ADK: variants seen among roughly 807,000 people sequenced by gnomAD.
ADK encodes the protein N6,N6-dimethyladenosine kinase.
ADK carries 24 observed loss-of-function variants against 44.7 expected under a neutral mutation model. That is an observed-to-expected ratio of 0.54 (90% CI 0.39 to 0.76). The LOEUF is 0.76. ADK is among the 30% of genes least tolerant of loss of function. ADK has a pLI of 0.00. For missense variants in ADK, 321 were observed against 425.1 expected (o/e 0.76, Z 2.15); for synonymous variants, 128 against 142.6 (o/e 0.90, Z 0.73).
At chr10:74,674,126 T>G (rs1855294651) in intron 10 of ADK, among the ~76,000 whole-genome samples, 1 of 152,118 alleles carries the variant, frequency 6.6e-6, no homozygotes, top group African/African-American at 2.4e-5. Context: ...TATTAGGCTT[T>G]TTGGCTTTAG....
At chr10:74,383,386 G>GTCTCTGTCTCTGTC (rs148751695) in intron 4 of ADK, among the ~76,000 whole-genome samples, 1 of 150,334 alleles carries the variant, frequency 6.7e-6, no homozygotes, top group Non-Finnish European at 1.5e-5. Flanking sequence ...TAGTCAGTCT[G>GTCTCTGTCTCTGTC]TCTGTCTCTG....
intron 8 of ADK, among the ~76,000 whole-genome samples, chr10:74,592,414 T>A (rs895335096): frequency 1.1e-4 from 16 of 152,148 alleles, no homozygotes; most frequent in African/African-American, 3.9e-4. Context: ...TTTAAACTAT[T>A]GAAAATTGAT....
intron 7 of ADK, among the ~76,000 whole-genome samples, chr10:74,572,686 G>T (rs1436614905): frequency 6.6e-6 from 1 of 152,128 alleles, no homozygotes; most frequent in Non-Finnish European, 1.5e-5. Context: ...ATATTTCTTG[G>T]AGGCTTTGTT....
intron 4 of ADK, among the ~76,000 whole-genome samples, chr10:74,362,039 A>G (rs1842351031): frequency 6.6e-6 from 1 of 152,074 alleles, no homozygotes; most frequent in Non-Finnish European, 1.5e-5. Flanking sequence ...TGTGTCCTAG[A>G]GTAGTCTTCT....
chr10:74,445,557 A>G (rs1421052278), intron 6 of ADK, among the ~76,000 whole-genome samples: 1 of 152,006 alleles, frequency 6.6e-6, no homozygotes, highest in African/African-American at 2.4e-5. Flanking sequence ...GTTGAAATGT[A>G]AAAGAAGCTA....
At chr10:74,384,456 G>T (rs1843076297) in intron 4 of ADK, among the ~76,000 whole-genome samples, 1 of 152,126 alleles carries the variant, frequency 6.6e-6, no homozygotes, top group South Asian at 2.1e-4. Context: ...GATCACTTGA[G>T]GTCAGGAGTT....
intron 4 of ADK, among the ~76,000 whole-genome samples, chr10:74,387,609 A>G (rs1843188567): frequency 6.6e-6 from 1 of 152,154 alleles, no homozygotes; most frequent in African/African-American, 2.4e-5. Flanking sequence ...TGATACTGCT[A>G]CCTGTCTTTG....
chr10:74,365,618 T>C (rs182725905), intron 4 of ADK, among the ~76,000 whole-genome samples: 2 of 152,354 alleles, frequency 1.3e-5, no homozygotes, highest in African/African-American at 2.4e-5. Flanking sequence ...TCATTTCGTC[T>C]GGGAACAAGG....
At chr10:74,197,907 T>G (rs1171217888) in intron 1 of ADK, among the ~76,000 whole-genome samples, 1 of 152,158 alleles carries the variant, frequency 6.6e-6, no homozygotes, top group Non-Finnish European at 1.5e-5. Flanking sequence ...ATTATATTCC[T>G]TAAAACTGAG....
chr10:74,174,571 T>G (rs1203555252), intron 1 of ADK: 1 of 152,168 alleles, frequency 6.6e-6, no homozygotes, highest in Non-Finnish European at 1.5e-5. Context: ...TGAAAAGCAC[T>G]GATGGTGTGA....
intron 7 of ADK, among the ~76,000 whole-genome samples, chr10:74,568,495 G>A (rs1179758627): frequency 6.6e-6 from 1 of 152,052 alleles, no homozygotes; most frequent in Non-Finnish European, 1.5e-5. Flanking sequence ...AAAGTTCTTG[G>A]ATCTTGCACA....
intron 9 of ADK, among the ~76,000 whole-genome samples, chr10:74,629,678 A>G (rs942258800): frequency 2.0e-5 from 3 of 152,212 alleles, no homozygotes; most frequent in African/African-American, 4.8e-5. Context: ...ATCAATTTAC[A>G]GTATGAATTT....
chr10:74,256,947 A>T (rs1845846957), intron 3 of ADK, among the ~76,000 whole-genome samples: 1 of 152,236 alleles, frequency 6.6e-6, no homozygotes, highest in Non-Finnish European at 1.5e-5. Flanking sequence ...CTTAGGTAAC[A>T]TAGTAACATA....
chr10:74,569,484 T>C (rs1434311684), intron 7 of ADK, among the ~76,000 whole-genome samples: 3 of 152,222 alleles, frequency 2.0e-5, no homozygotes, highest in African/African-American at 4.8e-5. Flanking sequence ...TGGTGTGAGA[T>C]GGTATCTCAT....
At chr10:74,564,595 T>G (rs1419037718) in intron 7 of ADK, among the ~76,000 whole-genome samples, 1 of 152,240 alleles carries the variant, frequency 6.6e-6, no homozygotes, top group Non-Finnish European at 1.5e-5. Flanking sequence ...TATTTATTTT[T>G]TAACGTTTGT....
intron 4 of ADK, among the ~76,000 whole-genome samples, chr10:74,325,882 GTCTC>G (rs957448497): frequency 9.2e-5 from 14 of 151,702 alleles, no homozygotes; most frequent in East Asian, 3.9e-4. Context: ...TTAAGACAGA[GTCTC>G]TCTCTGTCAC....
intron 1 of ADK, among the ~76,000 whole-genome samples, chr10:74,159,597 A>AT (rs540245325): frequency 0.022 from 3,302 of 146,776 alleles, 44 homozygotes; most frequent in Non-Finnish European, 0.032. Context: ...AGTCCATCTA[A>AT]TTTTTTTTTT....
chr10:74,310,556 G>A (rs549510253), intron 3 of ADK, among the ~76,000 whole-genome samples: 3 of 152,038 alleles, frequency 2.0e-5, no homozygotes, highest in African/African-American at 7.2e-5. Context: ...CTTTGGTCTC[G>A]TCTCTCTATC....
At chr10:74,156,065 CA>C (rs961929744) in intron 1 of ADK, among the ~76,000 whole-genome samples, 12 of 152,012 alleles carry the variant, frequency 7.9e-5, no homozygotes, top group Admixed American at 2.0e-4. Flanking sequence ...CTTTCCTGGG[CA>C]ATATATACTA....
Sources: allele counts gnomAD v4.1 joint callset (sites outside exome capture counted in the v4.1 genomes callset), GRCh38; gene constraint gnomAD v4.1.1; transcripts MANE v1.5; gene names NCBI Gene and HGNC (gene_info 2026-07-23, HGNC 2026-07-21).